NETO2: variants seen among roughly 807,000 people sequenced by gnomAD.
NETO2 encodes neuropilin and tolloid like 2, also known as neuropilin and tolloid-like protein 2.
A neutral mutation model predicts 62.5 loss-of-function variants in NETO2; 28 were observed. The observed-to-expected ratio is 0.45, with a 90% CI of 0.33 to 0.61. The LOEUF (loss-of-function observed/expected upper bound fraction) is 0.61, where lower values mean the gene tolerates loss of function less well. Ranked by LOEUF, NETO2 falls within the 20% of genes least tolerant of loss-of-function variation. NETO2 has a pLI of 0.02. For synonymous variants in NETO2, 214 were observed against 219.1 expected, an observed-to-expected ratio of 0.98 and a Z score of 0.21; for missense variants, 548 against 643.2, an observed-to-expected ratio of 0.85 and a Z score of 1.60.
chr16:47,128,180 G>A (rs1964193889), intron 4 of NETO2, 145 bp downstream of exon 4: 2 of 969,386 alleles, frequency 2.1e-6, no homozygotes, highest in African/African-American at 1.6e-5. Flanking sequence ...TTTGTTCATG[G>A]ACTAATTTCC....
chr16:47,092,777 G>T (rs1450928806), intron 7 of NETO2, among the ~76,000 whole-genome samples: 1 of 152,184 alleles, frequency 6.6e-6, no homozygotes, highest in Admixed American at 6.5e-5. Context: ...CAGCAGCAAA[G>T]TTCACTCTCA....
Position 47,129,280 on chromosome 16 carries a change from G to A in NETO2, c.176C>T (p.Ser59Leu), listed in dbSNP as rs751020123. The change falls in exon 3 of 9, where the codon TCG becomes TTG. Residue 59 changes from serine (S) to leucine (L), a missense_variant. Ser to Leu is a moderately radical substitution (Grantham distance 145, BLOSUM62 -2). Coordinates refer to ENST00000562435, the MANE Select transcript of NETO2 (RefSeq NM_018092.5). ...TGGATATGAGTCAGGATAATTTGGC[G>A]AAGCAAAATGACCTCCATTGCTGGT... The part of the protein sequence containing the change: ...VRTSNGGHFA[S>L]PNYPDSYPPN... 2 of 1,613,914 alleles carry A rather than the reference G, an allele frequency of 1.2e-6. No individual in the cohort carries two copies. The highest frequency in any genetic ancestry group is 1.7e-5 in the Admixed American group (1 of 60,008).
intron 8 of NETO2, 60 bp from the exon 9 acceptor site, chr16:47,083,861 C>A: frequency 7.8e-7 from 1 of 1,281,908 alleles, no homozygotes. Flanking sequence ...AATCCTGGTA[C>A]AAATTAGTAA....
intron 7 of NETO2, among the ~76,000 whole-genome samples, chr16:47,087,109 A>G (rs1458706646): frequency 1.3e-5 from 2 of 150,894 alleles, no homozygotes; most frequent in East Asian, 3.9e-4. Flanking sequence ...GCTCACTGCA[A>G]CCTCCACCTC....
rs187171501 is a variant in NETO2, at chr16:47,090,490, C to T, written c.884-4151G>A. Among the ~76,000 whole-genome samples the T allele has an allele frequency of 2.0e-5, 3 of 152,128 alleles. No individual in the cohort carries two copies. The East Asian group carries it at 5.8e-4, about 29-fold the overall frequency. On this transcript the variant is annotated intron_variant, in intron 7 of 8. Transcript: ENST00000562435. ...ATAAAAAAAGACAGCAAAAATAGTGCCAGTTATGAACTCCACTTATAGCCT... is the reference window on the plus strand; with the variant it reads ...ATAAAAAAAGACAGCAAAAATAGTGTCAGTTATGAACTCCACTTATAGCCT...
chr16:47,113,518 TGTAGCTGTA>T (rs1468939538), intron 6 of NETO2, among the ~76,000 whole-genome samples: 1 of 152,124 alleles, frequency 6.6e-6, no homozygotes, highest in Admixed American at 6.6e-5. Context: ...GGTTACTGCA[TGTAGCTGTA>T]GTTTATCCCT....
chr16:47,129,119 CAT>C (rs1964213937), intron 3 of NETO2, 103 bp downstream of exon 3: 8 of 1,021,074 alleles, frequency 7.8e-6, no homozygotes, highest in Middle Eastern at 3.0e-4. Flanking sequence ...AATTCAAATA[CAT>C]GTTTAAATTT....
At chr16:47,089,522 A>G (rs1227602110) in intron 7 of NETO2, among the ~76,000 whole-genome samples, 2 of 152,206 alleles carry the variant, frequency 1.3e-5, no homozygotes, top group Admixed American at 1.3e-4. Flanking sequence ...CAAATGATGT[A>G]TATATCTAAT....
At chr16:47,126,578 T>C (rs2151488734) in intron 4 of NETO2, among the ~76,000 whole-genome samples, 1 of 152,254 alleles carries the variant, frequency 6.6e-6, no homozygotes, top group Admixed American at 6.5e-5. Context: ...TTGTCAAAAC[T>C]CACAGAGCAC....
In NETO2 at chr16:47,114,851, A is replaced by G. The variant is rs150737587; in HGVS notation, c.655-5140T>C. Among the ~76,000 whole-genome samples, 647 of 152,126 alleles carry G rather than the reference A, an allele frequency of 4.3e-3. 5 individuals are homozygous for G. Among genetic ancestry groups the G allele is most frequent in the African/African-American group, 0.015 (616 of 41,498 alleles). Reference sequence around the variant, plus strand: ...TATATTCTCCTCTAAATGTTTTATAATTTTACATCTATGTCCATGATTTAT... The same window carrying G: ...TATATTCTCCTCTAAATGTTTTATAGTTTTACATCTATGTCCATGATTTAT... On this transcript the variant is annotated intron_variant, in intron 6 of 8. Coordinates refer to ENST00000562435, the MANE Select transcript of NETO2 (RefSeq NM_018092.5).
chr16:47,123,780 C>T (rs1964092521), intron 4 of NETO2, among the ~76,000 whole-genome samples: 6 of 152,350 alleles, frequency 3.9e-5, no homozygotes, highest in Admixed American at 3.3e-4. Context: ...TCACTGCAAC[C>T]TCTGCTTCCC....
chr16:47,105,323 A>G (rs1374449746), intron 7 of NETO2, among the ~76,000 whole-genome samples: 1 of 152,192 alleles, frequency 6.6e-6, no homozygotes, highest in Non-Finnish European at 1.5e-5. Context: ...AACTTACACT[A>G]TATACAAAAA....
At chr16:47,139,193 T>C (rs1396225767) in intron 1 of NETO2, among the ~76,000 whole-genome samples, 3 of 152,142 alleles carry the variant, frequency 2.0e-5, no homozygotes, top group Admixed American at 1.3e-4. Context: ...GATGAACACA[T>C]GGGGGTGACT....
chr16:47,135,265 G>C (rs1964344208), intron 1 of NETO2, among the ~76,000 whole-genome samples: 3 of 152,050 alleles, frequency 2.0e-5, no homozygotes, highest in Admixed American at 1.3e-4. Flanking sequence ...GCAGTTCTGT[G>C]GTTCTTTGTT....
chr16:47,131,415 T>C (rs1348799540), intron 2 of NETO2, among the ~76,000 whole-genome samples: 3 of 152,166 alleles, frequency 2.0e-5, no homozygotes, highest in Non-Finnish European at 4.4e-5. Flanking sequence ...TAGGGCAAGA[T>C]GGGGAACTCA....
intron 7 of NETO2, among the ~76,000 whole-genome samples, chr16:47,101,647 CAGAG>C (rs1429750571): frequency 1.3e-5 from 2 of 152,100 alleles, no homozygotes; most frequent in African/African-American, 4.8e-5. Flanking sequence ...CAATAATAGA[CAGAG>C]AGCCAAATCA....
intron 7 of NETO2, among the ~76,000 whole-genome samples, chr16:47,093,897 C>T (rs554596773): frequency 6.6e-6 from 1 of 152,224 alleles, no homozygotes; most frequent in East Asian, 1.9e-4. Flanking sequence ...CTTACCATTA[C>T]ACCATACTCA....
chr16:47,104,123 A>G (rs1419678627), intron 7 of NETO2, among the ~76,000 whole-genome samples: 3 of 152,154 alleles, frequency 2.0e-5, no homozygotes, highest in African/African-American at 7.2e-5. Context: ...AGAAAACCCT[A>G]AAGATCACAC....
At chr16:47,131,241 C>T (rs769796340) in intron 2 of NETO2, among the ~76,000 whole-genome samples, 5 of 151,916 alleles carry the variant, frequency 3.3e-5, no homozygotes, top group African/African-American at 1.2e-4. Flanking sequence ...ACGGTAGGTG[C>T]GTGAAAGAGC....
Sources: gnomAD v4.1 joint callset for allele counts (sites outside exome capture counted in the v4.1 genomes callset) on GRCh38, gnomAD v4.1.1 for gene constraint, MANE v1.5 for transcripts, NCBI Gene and HGNC (gene_info 2026-07-23, HGNC 2026-07-21) for gene names.